The following MAP4K4 variants were observed in gnomAD, a reference collection of about 807,000 sequenced individuals.
The protein encoded by MAP4K4 is HPK/GCK-like kinase HGK.
MAP4K4 carries 38 observed loss-of-function variants against 189.6 expected under a neutral mutation model. That is an observed-to-expected ratio of 0.20 (90% CI 0.15 to 0.26). MAP4K4 has a LOEUF of 0.26. Among genes scored for constraint, MAP4K4 ranks in the 10% least tolerant of loss-of-function variants. The pLI is 1.00. For synonymous variants in MAP4K4, 610 were observed against 624.3 expected (o/e 0.98, Z 0.34); for missense variants, 1,054 against 1,726.9 (o/e 0.61, Z 6.91).
intron 2 of MAP4K4, among the ~76,000 whole-genome samples, chr2:101,726,007 C>A (rs1184053020): frequency 6.6e-6 from 1 of 152,066 alleles, no homozygotes; most frequent in African/African-American, 2.4e-5. Context: ...ATCTAGTGCC[C>A]CCTGTCGGGG....
intron 2 of MAP4K4, among the ~76,000 whole-genome samples, chr2:101,765,971 A>T (rs554536869): frequency 2.0e-5 from 3 of 152,228 alleles, no homozygotes; most frequent in South Asian, 4.1e-4. Context: ...AAAAAAAATT[A>T]AAAAAATTAA....
intron 27 of MAP4K4, among the ~76,000 whole-genome samples, chr2:101,879,684 C>A (rs1295394922): frequency 6.6e-6 from 1 of 152,236 alleles, no homozygotes; most frequent in African/African-American, 2.4e-5. Context: ...ACATTGCCAG[C>A]ACCCCAAAAC....
chr2:101,724,470 G>A (rs2054099498), intron 2 of MAP4K4, among the ~76,000 whole-genome samples: 1 of 152,186 alleles, frequency 6.6e-6, no homozygotes, highest in South Asian at 2.1e-4. Flanking sequence ...TCAAAAGGCA[G>A]CCGTTTCTGA....
At chr2:101,832,501 A>G (rs1243142509) in intron 7 of MAP4K4, among the ~76,000 whole-genome samples, 1 of 152,214 alleles carries the variant, frequency 6.6e-6, no homozygotes, top group Non-Finnish European at 1.5e-5. Flanking sequence ...AGTATTTATT[A>G]CAAATATCCA....
chr2:101,754,040 TTTTC>T (rs2070797641), intron 2 of MAP4K4, among the ~76,000 whole-genome samples: 1 of 151,996 alleles, frequency 6.6e-6, no homozygotes, highest in Admixed American at 6.6e-5. Flanking sequence ...TGGCATTTGG[TTTTC>T]TTTCTTTCTG....
Position 101,820,200 on chromosome 2 carries a change from C to G in MAP4K4, c.181-3728C>G, listed in dbSNP as rs1348142225. On this transcript the variant is annotated intron_variant, in intron 3 of 32. Transcript: ENST00000324219. ...AATTCTTAATTATTGCTCAGGAAGC[C>G]TTTCATGGGAGAATCATAGGTAGCA... Among the ~76,000 whole-genome samples, 3 of 152,126 alleles carry G rather than the reference C, an allele frequency of 2.0e-5. No individual in the cohort carries two copies. The East Asian group carries it at 5.8e-4, about 29-fold the overall frequency.
At chr2:101,874,347 A>C in intron 26 of MAP4K4, 95 bp downstream of exon 26, 1 of 1,159,056 alleles carries the variant, frequency 8.6e-7, no homozygotes. Context: ...TTGTGGATAG[A>C]CAGGATGGAA....
chr2:101,891,289 C>G (rs769058640), exon 33 of MAP4K4: 88 of 1,555,494 alleles, frequency 5.7e-5, no homozygotes, highest in Non-Finnish European at 7.4e-5. Context: ...CCAGAGTCTT[C>G]AAGATCCTGA....
At chr2:101,826,373 T>A (rs997576754) in intron 5 of MAP4K4, among the ~76,000 whole-genome samples, 4 of 152,158 alleles carry the variant, frequency 2.6e-5, no homozygotes, top group African/African-American at 9.7e-5. Flanking sequence ...TATTTAGATA[T>A]TTATGTAGTC....
At chr2:101,751,269 G>A (rs1172923444) in intron 2 of MAP4K4, among the ~76,000 whole-genome samples, 1 of 152,192 alleles carries the variant, frequency 6.6e-6, no homozygotes, top group African/African-American at 2.4e-5. Flanking sequence ...ACTGGTAAAC[G>A]TTCGGTGGAA....
chr2:101,760,796 G>C (rs2076044051), intron 2 of MAP4K4, among the ~76,000 whole-genome samples: 1 of 152,164 alleles, frequency 6.6e-6, no homozygotes, highest in African/African-American at 2.4e-5. Flanking sequence ...CTGAGGTTGG[G>C]AGTTGGCGAC....
intron 2 of MAP4K4, among the ~76,000 whole-genome samples, chr2:101,730,889 C>T (rs938072483): frequency 2.0e-5 from 3 of 151,546 alleles, no homozygotes; most frequent in Admixed American, 6.6e-5. Flanking sequence ...CTACAAAAAA[C>T]GCAGAAAATT....
rs1410821185 is a variant in MAP4K4 at position 101,769,593 on chromosome 2, T to C, written c.124-21127T>C. On this transcript the variant is annotated intron_variant, in intron 2 of 32. Transcript: ENST00000324219. ...CTCATCCAGAAATGTCTTTTTCTTTTTTTTTTTTGAGGTGGAGTCTTGCTC... is the reference window on the plus strand; with the variant it reads ...CTCATCCAGAAATGTCTTTTTCTTTCTTTTTTTTGAGGTGGAGTCTTGCTC... Among the ~76,000 whole-genome samples the C allele has an allele frequency of 3.3e-5, 5 of 152,220 alleles. No homozygotes were observed. The East Asian group carries it at 9.6e-4, about 29-fold the overall frequency.
intron 2 of MAP4K4, among the ~76,000 whole-genome samples, chr2:101,719,615 T>C (rs922246323): frequency 5.9e-5 from 9 of 152,158 alleles, no homozygotes; most frequent in Admixed American, 5.9e-4. Context: ...TAGGCAAGCT[T>C]TTTGGTTCTT....
At chr2:101,713,459 G>A (rs552945181) in intron 2 of MAP4K4, among the ~76,000 whole-genome samples, 18 of 152,108 alleles carry the variant, frequency 1.2e-4, no homozygotes, top group Middle Eastern at 3.4e-3. Context: ...AGCTGGGCAC[G>A]GTGGCGCATG....
intron 5 of MAP4K4, among the ~76,000 whole-genome samples, chr2:101,828,731 G>T (rs1021193556): frequency 6.6e-6 from 1 of 152,178 alleles, no homozygotes; most frequent in Non-Finnish European, 1.5e-5. Flanking sequence ...GTATCTTAAG[G>T]AGGCGAGCTG....
chr2:101,821,729 A>T (rs956635461), intron 3 of MAP4K4, among the ~76,000 whole-genome samples: 1 of 152,198 alleles, frequency 6.6e-6, no homozygotes, highest in African/African-American at 2.4e-5. Flanking sequence ...CACTTAGGAT[A>T]CACTAAATTT....
chr2:101,724,057 G>C (rs780919661), intron 2 of MAP4K4, among the ~76,000 whole-genome samples: 2 of 152,186 alleles, frequency 1.3e-5, no homozygotes, highest in African/African-American at 4.8e-5. Context: ...CTTAGCTGTA[G>C]ACTGAGCATC....
At chr2:101,794,243 T>A (rs1193349878) in intron 3 of MAP4K4, among the ~76,000 whole-genome samples, 2 of 152,098 alleles carry the variant, frequency 1.3e-5, no homozygotes, top group Non-Finnish European at 2.9e-5. Flanking sequence ...TATAGGGAGG[T>A]CTCATGTACC....
Sources: allele counts gnomAD v4.1 joint callset (sites outside exome capture counted in the v4.1 genomes callset), GRCh38; gene constraint gnomAD v4.1.1; transcripts MANE v1.5; gene names NCBI Gene and HGNC (gene_info 2026-07-23, HGNC 2026-07-21).